MIR2052HG: variants seen among roughly 807,000 people sequenced by gnomAD.
MIR2052HG encodes the protein MIR2052 host gene.
intron 1 of MIR2052HG, among the ~76,000 whole-genome samples, chr8:74,608,917 A>G (rs1808151745): frequency 6.6e-6 from 1 of 152,044 alleles, no homozygotes. Flanking sequence ...AATCCAAAGT[A>G]AATACTTTTT....
In MIR2052HG at chr8:74,642,030, A is replaced by G. The variant is rs1808644016; in HGVS notation, n.216+29090A>G. Among the ~76,000 whole-genome samples, 3 of 152,016 alleles carry G rather than the reference A, an allele frequency of 2.0e-5. 1 individual carries two copies. In the South Asian group the frequency reaches 6.2e-4, roughly 32 times the overall value. Reference sequence around the variant, plus strand: ...TGGTGTGGGTGACTGGTGGTGTACTATGTACTTAGAACCTTTCAGATGTTC... The same window carrying G: ...TGGTGTGGGTGACTGGTGGTGTACTGTGTACTTAGAACCTTTCAGATGTTC... On this transcript the variant is annotated intron_variant and non_coding_transcript_variant, in intron 2 of 6. Coordinates refer to ENST00000523442, the Ensembl canonical transcript of MIR2052HG.
At chr8:74,748,818 G>A (rs1004015373) in intron 4 of MIR2052HG, among the ~76,000 whole-genome samples, 6 of 152,120 alleles carry the variant, frequency 3.9e-5, no homozygotes, top group African/African-American at 1.4e-4. Flanking sequence ...GTGAACAGAT[G>A]TTTGCTTTCT....
At chr8:74,735,189 C>A (rs1809733253) in intron 4 of MIR2052HG, among the ~76,000 whole-genome samples, 1 of 152,158 alleles carries the variant, frequency 6.6e-6, no homozygotes, top group Non-Finnish European at 1.5e-5. Flanking sequence ...AAATGTGTAG[C>A]CAGTTCTTGG....
intron 2 of MIR2052HG, among the ~76,000 whole-genome samples, chr8:74,697,532 A>G (rs532760468): frequency 6.6e-6 from 1 of 152,298 alleles, no homozygotes; most frequent in African/African-American, 2.4e-5. Context: ...GAGGGAGTCA[A>G]ACTGTTGCTG....
intron 4 of MIR2052HG, among the ~76,000 whole-genome samples, chr8:74,713,413 A>T (rs890107368): frequency 6.6e-5 from 10 of 151,898 alleles, no homozygotes; most frequent in Admixed American, 5.2e-4. Flanking sequence ...GCCTTCACTG[A>T]CTCTTATTTT....
chr8:74,685,614 G>T (rs11778616), intron 2 of MIR2052HG, among the ~76,000 whole-genome samples: 36,757 of 151,956 alleles, frequency 0.24, 5,461 homozygotes, highest in East Asian at 0.65. Flanking sequence ...TCCGTCCAGT[G>T]TGAAAAACAT....
chr8:74,746,991 G>GA (rs1041810629), intron 4 of MIR2052HG, among the ~76,000 whole-genome samples: 1 of 152,010 alleles, frequency 6.6e-6, no homozygotes, highest in African/African-American at 2.4e-5. Context: ...GTAATCATAG[G>GA]AAAAAAGCTA....
chr8:74,700,355 G>A (rs1809346194), intron 2 of MIR2052HG, among the ~76,000 whole-genome samples: 1 of 152,164 alleles, frequency 6.6e-6, no homozygotes, highest in Non-Finnish European at 1.5e-5. Context: ...CATCTACGAT[G>A]TGTGAAACGC....
intron 4 of MIR2052HG, among the ~76,000 whole-genome samples, chr8:74,729,687 G>C (rs184673554): frequency 6.6e-6 from 1 of 152,242 alleles, no homozygotes; most frequent in Non-Finnish European, 1.5e-5. Context: ...CCTTAAAATA[G>C]GCATTCCAGT....
chr8:74,714,134 A>G (rs569178820), intron 4 of MIR2052HG, among the ~76,000 whole-genome samples: 6 of 152,262 alleles, frequency 3.9e-5, no homozygotes, highest in African/African-American at 1.2e-4. Context: ...ATTAATTCCA[A>G]TCAGGGTTTA....
At chr8:74,713,001 G>A (rs1317425347) in intron 4 of MIR2052HG, among the ~76,000 whole-genome samples, 3 of 152,124 alleles carry the variant, frequency 2.0e-5, no homozygotes, top group African/African-American at 7.2e-5. Flanking sequence ...ATAGAGTGTA[G>A]TATACAGGCA....
At chr8:74,687,995 T>C (rs1428044203) in intron 2 of MIR2052HG, among the ~76,000 whole-genome samples, 1 of 152,178 alleles carries the variant, frequency 6.6e-6, no homozygotes, top group Non-Finnish European at 1.5e-5. Context: ...TGTGCCTCAT[T>C]AAAGCTGTTA....
intron 1 of MIR2052HG, chr8:74,609,725 T>C (rs1586887377): frequency 6.7e-6 from 1 of 148,888 alleles, no homozygotes. Flanking sequence ...ATTTTATTTA[T>C]AATAATAAAT....
At chr8:74,744,395 T>C (rs1476651643) in intron 4 of MIR2052HG, among the ~76,000 whole-genome samples, 3 of 152,054 alleles carry the variant, frequency 2.0e-5, no homozygotes, top group Non-Finnish European at 2.9e-5. Context: ...TACATACGTA[T>C]ACATGTGCCA....
At chr8:74,697,198 A>C (rs931175125) in intron 2 of MIR2052HG, among the ~76,000 whole-genome samples, 4 of 152,196 alleles carry the variant, frequency 2.6e-5, no homozygotes, top group African/African-American at 4.8e-5. Context: ...AATATGATAC[A>C]CCACATAAAC....
intron 4 of MIR2052HG, among the ~76,000 whole-genome samples, chr8:74,728,924 C>A (rs1809662511): frequency 6.6e-6 from 1 of 152,036 alleles, no homozygotes; most frequent in Admixed American, 6.6e-5. Flanking sequence ...TATAGCATTG[C>A]CTTTGGTTAT....
intron 2 of MIR2052HG, among the ~76,000 whole-genome samples, chr8:74,666,789 C>G (rs1808928597): frequency 6.6e-6 from 1 of 152,216 alleles, no homozygotes; most frequent in African/African-American, 2.4e-5. Context: ...TTCTTGGTCA[C>G]AGTAGGTATA....
chr8:74,731,317 A>G (rs1809690259), intron 4 of MIR2052HG, among the ~76,000 whole-genome samples: 1 of 152,184 alleles, frequency 6.6e-6, no homozygotes, highest in Admixed American at 6.5e-5. Context: ...AGTCAAATAC[A>G]TTGGGCCTCT....
intron 5 of MIR2052HG, among the ~76,000 whole-genome samples, chr8:74,754,692 C>T (rs1809981668): frequency 6.6e-6 from 1 of 150,466 alleles, no homozygotes; most frequent in South Asian, 2.1e-4. Context: ...GGGTCAGGTG[C>T]CCTTAGGGCA....
Sources: allele counts gnomAD v4.1 joint callset (sites outside exome capture counted in the v4.1 genomes callset), GRCh38; gene constraint gnomAD v4.1.1; transcripts MANE v1.5; gene names NCBI Gene and HGNC (gene_info 2026-07-23, HGNC 2026-07-21).